Variants in STK3 observed in about 807,000 individuals in gnomAD.
STK3 encodes serine/threonine kinase 3, also known as serine/threonine-protein kinase 3.
STK3 carries 41 observed loss-of-function variants against 58.0 expected under a neutral mutation model. The ratio of observed to expected loss-of-function variants is 0.71; its 90% CI spans 0.55 to 0.92. The LOEUF (loss-of-function observed/expected upper bound fraction) is 0.92. Ranked by LOEUF, STK3 falls within the 40% of genes least tolerant of loss-of-function variation. STK3 has a pLI of 0.00. For missense variants in STK3, 479 were observed against 602.7 expected (o/e 0.79, Z 2.15); for synonymous variants, 170 against 191.0 (o/e 0.89, Z 0.91).
chr8:98,584,100 T>A (rs902308956), intron 7 of STK3, among the ~76,000 whole-genome samples: 10 of 152,100 alleles, frequency 6.6e-5, no homozygotes, highest in African/African-American at 2.4e-4. Context: ...AAAGTTTTTT[T>A]TTCTTTTATT....
intron 1 of STK3, among the ~76,000 whole-genome samples, chr8:98,792,670 C>T (rs550689947): frequency 3.3e-5 from 5 of 152,244 alleles, no homozygotes; most frequent in African/African-American, 1.2e-4. Context: ...CATTGCACTC[C>T]AGCCTGGGCA....
intron 3 of STK3, among the ~76,000 whole-genome samples, chr8:98,832,514 T>C (rs1410620351): frequency 6.6e-6 from 1 of 152,008 alleles, no homozygotes; most frequent in Admixed American, 6.5e-5. Context: ...GTCAGTTGTA[T>C]TGTCAAAACC....
At chr8:98,537,445 T>C (rs1437470831) in intron 9 of STK3, among the ~76,000 whole-genome samples, 3 of 152,150 alleles carry the variant, frequency 2.0e-5, no homozygotes, top group Non-Finnish European at 4.4e-5. Context: ...GGGAGATACA[T>C]GTTCACAGAA....
At chr8:98,722,357 C>T (rs189783766) in intron 4 of STK3, among the ~76,000 whole-genome samples, 2 of 152,122 alleles carry the variant, frequency 1.3e-5, no homozygotes, top group African/African-American at 4.8e-5. Flanking sequence ...TCAATGGTGC[C>T]AAATGAACTT....
At chr8:98,741,640 G>C (rs1479689445) in intron 4 of STK3, among the ~76,000 whole-genome samples, 1 of 152,088 alleles carries the variant, frequency 6.6e-6, no homozygotes, top group African/African-American at 2.4e-5. Flanking sequence ...ACAAGAGAAA[G>C]CAGGAAAGAT....
chr8:98,362,428 C>T, the STK3 span, among the ~76,000 whole-genome samples: 1 of 152,088 alleles, frequency 6.6e-6, no homozygotes, highest in Admixed American at 6.5e-5. Flanking sequence ...GGGGCTGTGA[C>T]CGCTCTGCTG....
chr8:98,581,830 T>C lies in STK3; in HGVS notation c.823-2041A>G, dbSNP rs142134243. Among the ~76,000 whole-genome samples the C allele has an allele frequency of 6.7e-3, 1,026 of 152,090 alleles. 7 individuals are homozygous for C. Among genetic ancestry groups the C allele is most frequent in the African/African-American group, 0.023 (962 of 41,488 alleles). The stretch of plus-strand genomic sequence containing the variant: ...AGTCTATTGCCTTCTTTCCACCTTT[T>C]AGAGTCTTTTTATGCTTGTTTTATA... On this transcript the variant is annotated intron_variant, in intron 7 of 10. Coordinates refer to ENST00000419617, the MANE Select transcript of STK3 (RefSeq NM_006281.4).
At chr8:98,480,060 T>G (rs1378094186) in intron 10 of STK3, among the ~76,000 whole-genome samples, 1 of 151,804 alleles carries the variant, frequency 6.6e-6, no homozygotes, top group African/African-American at 2.4e-5. Context: ...AGAAAAAAAT[T>G]TAAAAAGAAA....
intron 6 of STK3, among the ~76,000 whole-genome samples, chr8:98,622,101 T>TA (rs35431395): frequency 0.14 from 12,419 of 91,302 alleles, 940 homozygotes; most frequent in Non-Finnish European, 0.2. Flanking sequence ...CTGTCTCTAC[T>TA]AAAAAAAAAA....
At position 98,835,828 on chromosome 8, in the gene STK3, G is replaced by A. The variant is rs574140598; in HGVS notation, c.110+47819C>T. On this transcript the variant is annotated intron_variant, in intron 3 of 12. Transcript: ENST00000523601. ...CCTTGGATGCTCTAGCTCAGCCCCA[G>A]GGAGGAGTAGCTGTTATTCCTGTTG... Among the ~76,000 whole-genome samples the A allele has an allele frequency of 9.2e-4, 140 of 152,318 alleles. No homozygotes were observed. The Middle Eastern group carries it at 0.01, about 11-fold the overall frequency.
chr8:98,412,301 C>T (rs1818066502), intron 3 of STK3, among the ~76,000 whole-genome samples: 1 of 152,202 alleles, frequency 6.6e-6, no homozygotes, highest in Non-Finnish European at 1.5e-5. Context: ...CATCTGGCTG[C>T]GTTAGAGTTG....
chr8:98,421,022 G>C (rs1308883088), intron 3 of STK3, among the ~76,000 whole-genome samples: 4 of 152,176 alleles, frequency 2.6e-5, no homozygotes, highest in African/African-American at 7.2e-5. Context: ...GTGCGGGGCT[G>C]GCTCTTCATT....
At chr8:98,346,105 G>A in the STK3 span, among the ~76,000 whole-genome samples, 3 of 151,960 alleles carry the variant, frequency 2.0e-5, no homozygotes, top group Non-Finnish European at 4.4e-5. Context: ...GGCCAACATG[G>A]TGAAACCCCA....
At chr8:98,693,903 G>T (rs181328699) in intron 6 of STK3, among the ~76,000 whole-genome samples, 1 of 152,090 alleles carries the variant, frequency 6.6e-6, no homozygotes, top group African/African-American at 2.4e-5. Flanking sequence ...TTTTGGTGTT[G>T]GGTTTTTTTA....
At chr8:98,822,440 T>C (rs1317639471) in intron 1 of STK3, among the ~76,000 whole-genome samples, 1 of 152,102 alleles carries the variant, frequency 6.6e-6, no homozygotes, top group African/African-American at 2.4e-5. Flanking sequence ...CCCCACAAAG[T>C]GCTGAGATTA....
At chr8:98,939,862 C>T (rs1168820660) in intron 1 of STK3, among the ~76,000 whole-genome samples, 1 of 152,248 alleles carries the variant, frequency 6.6e-6, no homozygotes, top group Non-Finnish European at 1.5e-5. Flanking sequence ...CCCAGAGGGG[C>T]CCGGTGCGGA....
At chr8:98,412,098 TCTC>T (rs1038113212) in intron 3 of STK3, among the ~76,000 whole-genome samples, 1 of 152,210 alleles carries the variant, frequency 6.6e-6, no homozygotes, top group Non-Finnish European at 1.5e-5. Flanking sequence ...TCCAAGTGCT[TCTC>T]ATTATCCAAG....
chr8:98,667,886 T>C (rs1822491046), intron 6 of STK3, among the ~76,000 whole-genome samples: 1 of 152,038 alleles, frequency 6.6e-6, no homozygotes, highest in Admixed American at 6.5e-5. Context: ...AGAGTATAAA[T>C]ACTTGGTTTC....
chr8:98,724,602 C>T (rs1827670208), intron 4 of STK3, among the ~76,000 whole-genome samples: 1 of 152,076 alleles, frequency 6.6e-6, no homozygotes, highest in African/African-American at 2.4e-5. Flanking sequence ...TGACAGCAGG[C>T]TCTCAGACAA....
Sources: gnomAD v4.1 joint callset for allele counts (sites outside exome capture counted in the v4.1 genomes callset) on GRCh38, gnomAD v4.1.1 for gene constraint, MANE v1.5 for transcripts, NCBI Gene and HGNC (gene_info 2026-07-23, HGNC 2026-07-21) for gene names.